SYT9: variants seen among roughly 807,000 people sequenced by gnomAD.
SYT9 encodes the protein synaptotagmin 9.
A neutral mutation model predicts 48.4 loss-of-function variants in SYT9; 22 were observed. That is an observed-to-expected ratio of 0.45 (90% CI 0.32 to 0.65). The LOEUF is 0.65. Among genes scored for constraint, SYT9 ranks in the 30% least tolerant of loss-of-function variants. SYT9 has a pLI of 0.03. For missense variants in SYT9, 577 were observed against 622.0 expected (o/e 0.93, Z 0.77); for synonymous variants, 265 against 245.0 (o/e 1.08, Z -0.76).
chr11:7,318,387 C>T (rs1399649372), intron 3 of SYT9, among the ~76,000 whole-genome samples: 1 of 151,978 alleles, frequency 6.6e-6, no homozygotes, highest in Non-Finnish European at 1.5e-5. Flanking sequence ...AATCAAGGCT[C>T]ACTGCAACCT....
intron 3 of SYT9, among the ~76,000 whole-genome samples, chr11:7,367,072 C>CTT (rs35502843): frequency 0.012 from 640 of 53,252 alleles, 118 homozygotes; most frequent in East Asian, 0.024. Flanking sequence ...AGGAGACCAT[C>CTT]TTTTTTTTTT....
intron 3 of SYT9, among the ~76,000 whole-genome samples, chr11:7,358,957 G>C (rs1042592894): frequency 3.7e-4 from 56 of 152,102 alleles, no homozygotes; most frequent in African/African-American, 1.3e-3. Flanking sequence ...CCACTAACTT[G>C]TCATCTAGCA....
At chr11:7,320,795 T>C (rs991543396) in intron 3 of SYT9, among the ~76,000 whole-genome samples, 1 of 152,210 alleles carries the variant, frequency 6.6e-6, no homozygotes, top group African/African-American at 2.4e-5. Context: ...AATGATGGTG[T>C]AATTAAACCT....
At chr11:7,388,485 A>G (rs1850702985) in intron 3 of SYT9, among the ~76,000 whole-genome samples, 1 of 151,844 alleles carries the variant, frequency 6.6e-6, no homozygotes, top group African/African-American at 2.4e-5. Context: ...CTTATTTTCT[A>G]TTCATTATTT....
chr11:7,370,232 A>G (rs11041336), intron 3 of SYT9, among the ~76,000 whole-genome samples: 17,863 of 152,208 alleles, frequency 0.12, 1,323 homozygotes, highest in East Asian at 0.2. Flanking sequence ...TAAGTGATGC[A>G]TCTGCTGATA....
chr11:7,248,841 T>C (rs1027158008), upstream of SYT9, among the ~76,000 whole-genome samples: 2 of 152,130 alleles, frequency 1.3e-5, no homozygotes, highest in Admixed American at 6.5e-5. Flanking sequence ...ATTCTAAAAT[T>C]CATATGGAAC....
intron 6 of SYT9, chr11:7,454,427 C>A: frequency 2.2e-6 from 1 of 459,172 alleles, no homozygotes; most frequent in Non-Finnish European, 2.9e-6. Context: ...TCCCCACATC[C>A]TATCCCAAGC....
chr11:7,256,209 G>A (rs1412559239), intron 1 of SYT9, among the ~76,000 whole-genome samples: 1 of 151,970 alleles, frequency 6.6e-6, no homozygotes, highest in Non-Finnish European at 1.5e-5. Context: ...TCTTCTGTAG[G>A]GTGCCAACCA....
intron 3 of SYT9, among the ~76,000 whole-genome samples, chr11:7,360,726 TATG>T (rs1451385742): frequency 2.6e-5 from 4 of 152,206 alleles, no homozygotes; most frequent in African/African-American, 9.6e-5. Flanking sequence ...TTCATGTTGT[TATG>T]ATATCAAAGT....
chr11:7,463,463 A>G (rs1284347038), intron 6 of SYT9, among the ~76,000 whole-genome samples: 1 of 151,900 alleles, frequency 6.6e-6, no homozygotes, highest in Admixed American at 6.6e-5. Context: ...GAGATTTTCT[A>G]GTCTTCCCCC....
At chr11:7,246,206 T>C (rs781314914) in intron 1 of SYT9, among the ~76,000 whole-genome samples, 1 of 152,204 alleles carries the variant, frequency 6.6e-6, no homozygotes, top group Non-Finnish European at 1.5e-5. Context: ...GAGACTTTGA[T>C]TCCTTCTGCC....
At chr11:7,422,858 G>T (rs1311874991) in intron 6 of SYT9, among the ~76,000 whole-genome samples, 1 of 152,166 alleles carries the variant, frequency 6.6e-6, no homozygotes, top group African/African-American at 2.4e-5. Context: ...GGCCTTGGAG[G>T]CCTTTTCCTT....
Position 7,367,248 on chromosome 11 carries a change from A to AT in SYT9, c.1045-48777dup, listed in dbSNP as rs71056801. On this transcript the variant is annotated intron_variant, in intron 3 of 6. Coordinates refer to ENST00000318881, the MANE Select transcript of SYT9 (RefSeq NM_175733.4). The stretch of plus-strand genomic sequence containing the variant: ...AGGCGCCCGCCACTACGCCCGGCTA[A>AT]TTTTTTTTTTTTTTTTTGGTATTTT... 2.1e-3 allele frequency among the ~76,000 whole-genome samples: 279 copies of AT among 131,134 alleles called. 1 individual carries two copies. The highest frequency in any genetic ancestry group is 6.5e-3 in the African/African-American group (228 of 35,234). 86.0% of individuals were successfully genotyped at this position (131,134 alleles called of 152,430 possible).
At chr11:7,352,491 A>G (rs1849936438) in intron 3 of SYT9, among the ~76,000 whole-genome samples, 1 of 152,180 alleles carries the variant, frequency 6.6e-6, no homozygotes, top group African/African-American at 2.4e-5. Flanking sequence ...AATAAGACCT[A>G]GATCTACAGT....
At chr11:7,431,182 T>C (rs1337383547) in intron 6 of SYT9, among the ~76,000 whole-genome samples, 1 of 152,220 alleles carries the variant, frequency 6.6e-6, no homozygotes, top group Non-Finnish European at 1.5e-5. Flanking sequence ...GAGGCTCTTA[T>C]TGGGAACAAG....
intron 1 of SYT9, among the ~76,000 whole-genome samples, chr11:7,242,708 G>C (rs1847751658): frequency 6.6e-6 from 1 of 152,086 alleles, no homozygotes; most frequent in Non-Finnish European, 1.5e-5. Context: ...AGGTAGATTA[G>C]AGGTGGGAAA....
chr11:7,287,479 C>T (rs1051216071), intron 1 of SYT9, among the ~76,000 whole-genome samples: 1 of 152,076 alleles, frequency 6.6e-6, no homozygotes, highest in African/African-American at 2.4e-5. Context: ...AGTTCAGAAC[C>T]CTGACCAACA....
chr11:7,399,523 G>C (rs1269491108), intron 3 of SYT9, among the ~76,000 whole-genome samples: 1 of 152,172 alleles, frequency 6.6e-6, no homozygotes, highest in Non-Finnish European at 1.5e-5. Flanking sequence ...AATTTTAAAA[G>C]ATTTTTGGTA....
intron 3 of SYT9, among the ~76,000 whole-genome samples, chr11:7,363,116 C>A (rs1196943789): frequency 1.3e-5 from 2 of 151,830 alleles, no homozygotes; most frequent in African/African-American, 4.8e-5. Flanking sequence ...TGAATCTCCA[C>A]TAGTACTATC....
Sources: gnomAD v4.1 joint callset for allele counts (sites outside exome capture counted in the v4.1 genomes callset) on GRCh38, gnomAD v4.1.1 for gene constraint, MANE v1.5 for transcripts, NCBI Gene and HGNC (gene_info 2026-07-23, HGNC 2026-07-21) for gene names.